Variants in GRAMD1B observed in about 807,000 individuals in gnomAD.
GRAMD1B encodes GRAM domain containing 1B.
A neutral mutation model predicts 99.7 loss-of-function variants in GRAMD1B; 37 were observed. The observed-to-expected ratio is 0.37, with a 90% CI of 0.29 to 0.49. GRAMD1B has a LOEUF of 0.49. Ranked by LOEUF, GRAMD1B falls within the 20% of genes least tolerant of loss-of-function variation. The pLI, the probability that GRAMD1B is intolerant of heterozygous loss-of-function variation, is 0.98. For missense variants in GRAMD1B, 888 were observed against 1,009.2 expected (o/e 0.88, Z 1.63); for synonymous variants, 427 against 387.6 (o/e 1.10, Z -1.19).
At chr11:123,481,377 C>T (rs1951595213) in intron 2 of GRAMD1B, among the ~76,000 whole-genome samples, 1 of 152,142 alleles carries the variant, frequency 6.6e-6, no homozygotes, top group Admixed American at 6.5e-5. Context: ...TCGCTTGAAC[C>T]TGGGAGGCAG....
chr11:123,549,982 T>G (rs1945451032), intron 2 of GRAMD1B, among the ~76,000 whole-genome samples: 1 of 151,974 alleles, frequency 6.6e-6, no homozygotes, highest in East Asian at 1.9e-4. Context: ...ACATCGTAGG[T>G]ACACCCAGAC....
intron 2 of GRAMD1B, among the ~76,000 whole-genome samples, chr11:123,562,234 C>T (rs535114497): frequency 2.6e-4 from 39 of 152,244 alleles, no homozygotes; most frequent in African/African-American, 8.7e-4. Flanking sequence ...TCCCACACCC[C>T]CTCCCTGCTT....
At chr11:123,375,809 G>A (rs1441323905) in intron 1 of GRAMD1B, among the ~76,000 whole-genome samples, 1 of 152,202 alleles carries the variant, frequency 6.6e-6, no homozygotes, top group African/African-American at 2.4e-5. Context: ...GATGGGAATG[G>A]GGTAGATGAA....
intron 1 of GRAMD1B, among the ~76,000 whole-genome samples, chr11:123,362,200 G>C (rs1946168121): frequency 6.6e-6 from 1 of 152,220 alleles, no homozygotes; most frequent in South Asian, 2.1e-4. Context: ...AGCATCACAG[G>C]TGAATAACCC....
At chr11:123,507,151 T>G (rs1419630786) in intron 2 of GRAMD1B, among the ~76,000 whole-genome samples, 2 of 152,196 alleles carry the variant, frequency 1.3e-5, no homozygotes, top group African/African-American at 2.4e-5. Flanking sequence ...CTGCTCTCCA[T>G]GTGTTTGTAC....
intron 1 of GRAMD1B, among the ~76,000 whole-genome samples, chr11:123,467,454 A>AT (rs1950744244): frequency 8.3e-6 from 1 of 121,126 alleles, no homozygotes; most frequent in Admixed American, 1.1e-4. Flanking sequence ...GGAGAGCCAT[A>AT]TTCTTTCCTG....
intron 3 of GRAMD1B, among the ~76,000 whole-genome samples, chr11:123,582,740 T>C (rs1557424): frequency 0.5 from 75,999 of 151,732 alleles, 19,265 homozygotes; most frequent in South Asian, 0.62. Flanking sequence ...ACATGGCCAC[T>C]GGTCATCACC....
chr11:123,497,294 C>T (rs971128150), intron 2 of GRAMD1B, among the ~76,000 whole-genome samples: 12 of 152,194 alleles, frequency 7.9e-5, no homozygotes, highest in African/African-American at 2.2e-4. Flanking sequence ...TGTGGTTAGC[C>T]TCCTGGAACT....
intron 1 of GRAMD1B, chr11:123,381,337 GGGA>G (rs1946865536): frequency 5.2e-5 from 8 of 154,268 alleles, no homozygotes; most frequent in Admixed American, 2.6e-4. Flanking sequence ...CCCAGGAAAA[GGGA>G]AGTGCTTAAT....
chr11:123,425,287 C>G (rs1484820328), upstream of GRAMD1B, among the ~76,000 whole-genome samples: 2 of 152,164 alleles, frequency 1.3e-5, no homozygotes, highest in African/African-American at 2.4e-5. Flanking sequence ...AGGAAAGCAA[C>G]AGCAGAAATT....
Position 123,621,057 on chromosome 11 carries a change from C to G in GRAMD1B, c.2545-1449C>G, listed in dbSNP as rs187034735. Among the ~76,000 whole-genome samples the G allele has an allele frequency of 1.3e-3, 194 of 152,224 alleles. 4 individuals carry two copies. The highest frequency in any genetic ancestry group is 4.9e-4 in the Non-Finnish European group (33 of 68,018). On this transcript the variant is annotated intron_variant, in intron 19 of 19. Transcript: ENST00000635736. ...AGATTTATAGCCTAGTGGACTCTAC[C>G]CTACAAGTATTAAGAGAGTTGTTTT...
intron 17 of GRAMD1B, among the ~76,000 whole-genome samples, chr11:123,616,957 G>A (rs1323397190): frequency 6.6e-6 from 1 of 152,180 alleles, no homozygotes; most frequent in Non-Finnish European, 1.5e-5. Context: ...AGGCCTTGGG[G>A]ACAACTCAGA....
chr11:123,468,696 C>T (rs1950829769), intron 1 of GRAMD1B, among the ~76,000 whole-genome samples: 2 of 151,058 alleles, frequency 1.3e-5, no homozygotes, highest in African/African-American at 2.4e-5. Flanking sequence ...ACTCAGGAGG[C>T]CGAGGTGGGA....
intron 1 of GRAMD1B, among the ~76,000 whole-genome samples, chr11:123,359,949 T>C (rs1056139469): frequency 2.0e-5 from 3 of 152,154 alleles, no homozygotes; most frequent in African/African-American, 7.2e-5. Context: ...TGAGGAGCCC[T>C]TCTCCTGGGA....
chr11:123,473,706 G>A (rs192933600), intron 1 of GRAMD1B, among the ~76,000 whole-genome samples: 47 of 152,308 alleles, frequency 3.1e-4, no homozygotes, highest in Non-Finnish European at 5.4e-4. Context: ...GAGCTATTAA[G>A]CAGAAGTGAA....
chr11:123,596,201 G>C lies in GRAMD1B; in HGVS notation c.969+164G>C, dbSNP rs185380705. ...GAAGCACCTCCTGGGTGGACAGGCT[G>C]GGGGAGGCTGAGCAGCGGGAGGATA... is the stretch of plus-strand genomic sequence containing the variant. On this transcript the variant is annotated intron_variant, in intron 7 of 19. Transcript: ENST00000635736. Among the ~76,000 whole-genome samples the C allele has an allele frequency of 4.2e-3, 640 of 152,310 alleles. 3 individuals are homozygous for C. The highest frequency in any genetic ancestry group is 6.9e-3 in the Non-Finnish European group (467 of 68,022).
chr11:123,508,013 T>C (rs11219179), intron 2 of GRAMD1B, among the ~76,000 whole-genome samples: 20,340 of 152,254 alleles, frequency 0.13, 1,685 homozygotes, highest in East Asian at 0.47. Flanking sequence ...AATCTCAGTT[T>C]AGTTATCTTT....
At chr11:123,411,300 G>A (rs1003088702) in intron 1 of GRAMD1B, among the ~76,000 whole-genome samples, 15 of 152,148 alleles carry the variant, frequency 9.9e-5, no homozygotes, top group African/African-American at 2.7e-4. Flanking sequence ...CACCGCACCC[G>A]GCAACTTATC....
chr11:123,415,165 C>T (rs2953192), intron 1 of GRAMD1B, among the ~76,000 whole-genome samples: 24,877 of 133,732 alleles, frequency 0.19, 2,363 homozygotes, highest in African/African-American at 0.21. Flanking sequence ...TGCAGTGGCG[C>T]GATCTTGGAT....
Sources: allele counts gnomAD v4.1 joint callset (sites outside exome capture counted in the v4.1 genomes callset), GRCh38; gene constraint gnomAD v4.1.1; transcripts MANE v1.5; gene names NCBI Gene and HGNC (gene_info 2026-07-23, HGNC 2026-07-21).